Variants in CTNNA2 observed in about 807,000 individuals in gnomAD.
The protein encoded by CTNNA2 is catenin alpha 2.
CTNNA2 carries 42 observed loss-of-function variants against 101.0 expected under a neutral mutation model. The observed-to-expected ratio is 0.42, with a 90% CI of 0.32 to 0.54. CTNNA2 has a LOEUF of 0.54. CTNNA2 is among the 20% of genes least tolerant of loss of function. The pLI is 0.14. For synonymous variants in CTNNA2, 450 were observed against 456.4 expected, an observed-to-expected ratio of 0.99 and a Z score of 0.18; for missense variants, 871 against 1,223.1, an observed-to-expected ratio of 0.71 and a Z score of 4.29.
At chr2:80,363,373 G>A (rs1181363930) in intron 7 of CTNNA2, among the ~76,000 whole-genome samples, 1 of 152,118 alleles carries the variant, frequency 6.6e-6, no homozygotes, top group Non-Finnish European at 1.5e-5. Context: ...GTAATGCTAA[G>A]TATAAGAATT....
chr2:80,290,945 A>G (rs1364068405), intron 7 of CTNNA2, among the ~76,000 whole-genome samples: 1 of 152,238 alleles, frequency 6.6e-6, no homozygotes, highest in Admixed American at 6.5e-5. Flanking sequence ...CAGCTCTAGC[A>G]TTCCCTGCTA....
chr2:79,535,050 A>C (rs1672971795), intron 1 of CTNNA2, among the ~76,000 whole-genome samples: 1 of 152,182 alleles, frequency 6.6e-6, no homozygotes, highest in African/African-American at 2.4e-5. Context: ...ATTTTTAAGA[A>C]ATTACTTTAA....
At chr2:79,517,604 G>A (rs912881555) in intron 1 of CTNNA2, among the ~76,000 whole-genome samples, 13 of 152,022 alleles carry the variant, frequency 8.6e-5, no homozygotes, top group African/African-American at 2.9e-4. Flanking sequence ...TACATTTTCA[G>A]ATGTATTGCT....
intron 6 of CTNNA2, among the ~76,000 whole-genome samples, chr2:79,881,535 C>G (rs992188430): frequency 2.0e-5 from 3 of 152,080 alleles, no homozygotes; most frequent in African/African-American, 4.8e-5. Flanking sequence ...GTTAGCTTTT[C>G]TTGTTGAATT....
intron 7 of CTNNA2, among the ~76,000 whole-genome samples, chr2:80,201,720 C>A (rs1256182596): frequency 6.6e-6 from 1 of 152,096 alleles, no homozygotes; most frequent in Non-Finnish European, 1.5e-5. Context: ...AGCAAACATG[C>A]CAGGTTTCCC....
At chr2:79,570,871 C>A (rs577793669) in intron 1 of CTNNA2, among the ~76,000 whole-genome samples, 3 of 152,082 alleles carry the variant, frequency 2.0e-5, no homozygotes, top group Non-Finnish European at 4.4e-5. Context: ...CCTCAGGAGA[C>A]CACAGCAGAG....
intron 7 of CTNNA2, among the ~76,000 whole-genome samples, chr2:79,928,000 A>C (rs559062070): frequency 6.6e-6 from 1 of 152,038 alleles, no homozygotes; most frequent in Non-Finnish European, 1.5e-5. Flanking sequence ...AAAAAAAATT[A>C]TTTCTTTGTG....
At chr2:80,294,945 G>A (rs1391184987) in intron 7 of CTNNA2, among the ~76,000 whole-genome samples, 1 of 152,206 alleles carries the variant, frequency 6.6e-6, no homozygotes, top group Non-Finnish European at 1.5e-5. Context: ...GGATTGAGGA[G>A]TCAGTGTAAT....
chr2:80,645,317 T>G (rs1426987236), intron 18 of CTNNA2, among the ~76,000 whole-genome samples: 3 of 152,170 alleles, frequency 2.0e-5, no homozygotes, highest in African/African-American at 7.2e-5. Context: ...TCCCAACATT[T>G]TGCTGTCTCA....
At chr2:80,021,534 C>T (rs1421753206) in intron 7 of CTNNA2, among the ~76,000 whole-genome samples, 1 of 152,178 alleles carries the variant, frequency 6.6e-6, no homozygotes, top group Non-Finnish European at 1.5e-5. Context: ...CCACATTCCA[C>T]ACTCTAGGAG....
chr2:79,189,269 G>T (rs890442626), intron 1 of CTNNA2, among the ~76,000 whole-genome samples: 1 of 151,924 alleles, frequency 6.6e-6, no homozygotes, highest in Non-Finnish European at 1.5e-5. Flanking sequence ...TTGATAATTT[G>T]TCCTTTCTTT....
intron 2 of CTNNA2, among the ~76,000 whole-genome samples, chr2:79,675,007 G>A (rs1216566091): frequency 5.9e-5 from 9 of 152,106 alleles, no homozygotes. Flanking sequence ...TAAATATCTT[G>A]TATGGAACAG....
chr2:79,475,408 A>AT (rs936927719), intron 4 of CTNNA2, among the ~76,000 whole-genome samples: 1 of 151,248 alleles, frequency 6.6e-6, no homozygotes, highest in Non-Finnish European at 1.5e-5. Flanking sequence ...AATTATTCTT[A>AT]TTTTTTTTTC....
At chr2:80,418,523 C>T (rs1488595987) in intron 8 of CTNNA2, among the ~76,000 whole-genome samples, 5 of 152,126 alleles carry the variant, frequency 3.3e-5, no homozygotes, top group East Asian at 1.9e-4. Context: ...TCATTGCATA[C>T]GTTATAGTAA....
chr2:80,391,414 T>C (rs2149364098), intron 7 of CTNNA2, among the ~76,000 whole-genome samples: 1 of 152,312 alleles, frequency 6.6e-6, no homozygotes, highest in African/African-American at 2.4e-5. Flanking sequence ...TTCTTTTCAC[T>C]TTGAAAAGTT....
chr2:80,046,350 T>C lies in CTNNA2; in HGVS notation c.1056+136553T>C, dbSNP rs142101725. 5.8e-4 allele frequency among the ~76,000 whole-genome samples: 89 copies of C among 152,258 alleles called. 1 individual carries two copies. In the East Asian group the frequency reaches 0.015, roughly 26 times the overall value. On this transcript the variant is annotated intron_variant, in intron 7 of 18. Coordinates refer to ENST00000402739, the MANE Select transcript of CTNNA2 (RefSeq NM_001282597.3). ...CTCACTCAGACTCTGGAGGTATATA[T>C]GTCTCCATCCACAGGAAAAATAAGT...
intron 7 of CTNNA2, among the ~76,000 whole-genome samples, chr2:79,929,415 T>C (rs946354487): frequency 6.6e-6 from 1 of 152,152 alleles, no homozygotes; most frequent in Non-Finnish European, 1.5e-5. Context: ...CACAGGGAAA[T>C]ATTTAGGCTC....
intron 7 of CTNNA2, among the ~76,000 whole-genome samples, chr2:80,323,235 C>G (rs1383006259): frequency 6.6e-6 from 1 of 152,180 alleles, no homozygotes; most frequent in African/African-American, 2.4e-5. Flanking sequence ...TTGTTAGACA[C>G]GGGTTAGAAC....
At position 80,223,417 on chromosome 2, in the gene CTNNA2, G is replaced by A. The variant is rs187046730; in HGVS notation, c.1057-169794G>A. Among the ~76,000 whole-genome samples, 865 of 152,268 alleles carry A rather than the reference G, an allele frequency of 5.7e-3. 8 individuals carry two copies. Among genetic ancestry groups the A allele is most frequent in the African/African-American group, 0.02 (817 of 41,550 alleles). On this transcript the variant is annotated intron_variant, in intron 7 of 18. Transcript: ENST00000402739. ...AGCCTCCCGAGTGGCTGGGATTATAGGCATGAGCCACCATGCCCAGCTAAT... is the reference window on the plus strand; with the variant it reads ...AGCCTCCCGAGTGGCTGGGATTATAAGCATGAGCCACCATGCCCAGCTAAT...
Sources: allele counts gnomAD v4.1 joint callset (sites outside exome capture counted in the v4.1 genomes callset), GRCh38; gene constraint gnomAD v4.1.1; transcripts MANE v1.5; gene names NCBI Gene and HGNC (gene_info 2026-07-23, HGNC 2026-07-21).